RYR2: variants seen among roughly 807,000 people sequenced by gnomAD.
RYR2 encodes the protein cardiac muscle ryanodine receptor-calcium release channel.
In RYR2, 227 loss-of-function variants were observed where a neutral mutation model predicts 601.1. That is an observed-to-expected ratio of 0.38 (90% CI 0.34 to 0.42). RYR2 has a LOEUF of 0.42. Among genes scored for constraint, RYR2 ranks in the 10% least tolerant of loss-of-function variants. The probability of loss-of-function intolerance (pLI) is 1.00; values close to 1 mark genes in which losing one functional copy is unlikely to be tolerated. For synonymous variants in RYR2, 2,223 were observed against 2,175.1 expected (o/e 1.02, Z -0.61); for missense variants, 4,646 against 6,156.5 (o/e 0.75, Z 8.21).
intron 1 of RYR2, among the ~76,000 whole-genome samples, chr1:237,134,241 C>T (rs1363760143): frequency 6.6e-6 from 1 of 152,122 alleles, no homozygotes; most frequent in Non-Finnish European, 1.5e-5. Flanking sequence ...AGAGTCCCTC[C>T]CTTAGAAAGA....
intron 1 of RYR2, among the ~76,000 whole-genome samples, chr1:237,143,984 C>T (rs1000178411): frequency 1.3e-5 from 2 of 152,086 alleles, no homozygotes; most frequent in Admixed American, 1.3e-4. Flanking sequence ...CAAAAATTAG[C>T]TGCGCATGGT....
At position 237,687,489 on chromosome 1, in the gene RYR2, A is replaced by G. The variant is rs748968052; in HGVS notation, c.9052A>G (p.Arg3018Gly). Residue 3018 changes from arginine to glycine, a missense_variant, in exon 63 of 105, where the codon AGG becomes GGG. Coordinates refer to ENST00000366574, the MANE Select transcript of RYR2 (RefSeq NM_001035.3). ...FCKLGVLVRH[R>G]ISLFGNDATS... ...CAAACTTGGAGTTCTTGTCAGGCAT[A>G]GGATTTCACTATTTGGTAAGGAGAC... The G allele has an allele frequency of 1.8e-5, 29 of 1,606,486 alleles. No homozygotes were observed. The highest frequency in any genetic ancestry group is 2.4e-5 in the Non-Finnish European group (28 of 1,176,730).
At chr1:237,775,510 G>A (rs1387358145) in intron 87 of RYR2, among the ~76,000 whole-genome samples, 2 of 152,164 alleles carry the variant, frequency 1.3e-5, no homozygotes, top group Non-Finnish European at 1.5e-5. Context: ...CATTAGCTTC[G>A]TGCTGCTTCT....
At chr1:237,658,083 T>C in intron 54 of RYR2, 61 bp downstream of exon 54, 2 of 961,176 alleles carry the variant, frequency 2.1e-6, no homozygotes, top group Non-Finnish European at 1.5e-6. Context: ...ACTGTTCAAA[T>C]ATTTCTGACC....
chr1:237,486,015 G>A (rs1471871947), intron 17 of RYR2, among the ~76,000 whole-genome samples: 2 of 152,124 alleles, frequency 1.3e-5, no homozygotes, highest in African/African-American at 4.8e-5. Context: ...AGTGAAAGGA[G>A]AGGATGAGTT....
In RYR2 at chr1:237,426,291, G is replaced by A. The variant is rs530018925; in HGVS notation, c.1005+3043G>A. 1.0e-3 allele frequency among the ~76,000 whole-genome samples: 155 copies of A among 152,220 alleles called. 1 individual carries two copies. The highest frequency in any genetic ancestry group is 3.5e-3 in the African/African-American group (146 of 41,530). On this transcript the variant is annotated intron_variant, in intron 12 of 104. Coordinates refer to ENST00000366574, the MANE Select transcript of RYR2 (RefSeq NM_001035.3). ...TTATTCTCCATTGTGAAAATAGAGA[G>A]GCACAGCTGGTAAAACCTCATTATC...
At chr1:237,288,628 C>A (rs12565306) in intron 2 of RYR2, among the ~76,000 whole-genome samples, 7 of 151,684 alleles carry the variant, frequency 4.6e-5, no homozygotes, top group South Asian at 4.2e-4. Flanking sequence ...CCAGCTCCCA[C>A]GCAAACAGAA....
chr1:237,086,107 G>T (rs920838926), intron 1 of RYR2, among the ~76,000 whole-genome samples: 1 of 152,200 alleles, frequency 6.6e-6, no homozygotes, highest in Non-Finnish European at 1.5e-5. Context: ...GCATTAGTTT[G>T]CCTGAGCTGT....
At position 237,318,895 on chromosome 1, in the gene RYR2, A is replaced by G. The variant is rs115616886; in HGVS notation, c.169-11983A>G. Among the ~76,000 whole-genome samples, 420 of 151,860 alleles carry G rather than the reference A, an allele frequency of 2.8e-3. 1 individual carries two copies. Among genetic ancestry groups the G allele is most frequent in the African/African-American group, 8.3e-3 (342 of 41,430 alleles). ...GGCCATTCATTATTTGTTTAAATGC[A>G]TTTTTCTGACCGCTTCTTTCTCTCC... On this transcript the variant is annotated intron_variant, in intron 2 of 104. Transcript: ENST00000366574.
At chr1:237,309,664 G>T (rs1039481186) in intron 2 of RYR2, among the ~76,000 whole-genome samples, 4 of 152,212 alleles carry the variant, frequency 2.6e-5, no homozygotes, top group Non-Finnish European at 5.9e-5. Flanking sequence ...ATGGGACCAG[G>T]CGCCATGGAG....
chr1:237,073,242 C>T (rs1485882837), intron 1 of RYR2, among the ~76,000 whole-genome samples: 1 of 152,084 alleles, frequency 6.6e-6, no homozygotes, highest in East Asian at 1.9e-4. Context: ...CAGATAGGGG[C>T]CCTGCTTTGG....
intron 2 of RYR2, among the ~76,000 whole-genome samples, chr1:237,284,328 C>T (rs1196044051): frequency 6.7e-6 from 1 of 148,796 alleles, no homozygotes; most frequent in Non-Finnish European, 1.5e-5. Context: ...TGCAGTGAGT[C>T]GAGATTGCGC....
chr1:237,135,265 G>A (rs1169626698), intron 1 of RYR2, among the ~76,000 whole-genome samples: 1 of 152,008 alleles, frequency 6.6e-6, no homozygotes. Flanking sequence ...AGTAAAAAAA[G>A]TCCCTGTAAT....
chr1:237,120,058 C>T (rs951724498), intron 1 of RYR2, among the ~76,000 whole-genome samples: 1 of 152,172 alleles, frequency 6.6e-6, no homozygotes, highest in Non-Finnish European at 1.5e-5. Context: ...TCTCTGGAGT[C>T]AGACCACTGG....
At chr1:237,832,155 C>A (rs12036292) in intron 104 of RYR2, among the ~76,000 whole-genome samples, 1 of 151,648 alleles carries the variant, frequency 6.6e-6, no homozygotes, top group African/African-American at 2.4e-5. Flanking sequence ...CCTCCTGTTT[C>A]AGCCCCACAA....
At chr1:237,193,732 A>G (rs1680264113) in intron 1 of RYR2, among the ~76,000 whole-genome samples, 1 of 152,212 alleles carries the variant, frequency 6.6e-6, no homozygotes, top group Non-Finnish European at 1.5e-5. Context: ...CGAGTTGCAT[A>G]TTTCCACTGA....
At chr1:237,145,078 G>A (rs527407545) in intron 1 of RYR2, among the ~76,000 whole-genome samples, 3 of 152,160 alleles carry the variant, frequency 2.0e-5, no homozygotes, top group Admixed American at 6.5e-5. Flanking sequence ...GGGGGTTGGG[G>A]GAGCTAGGGG....
chr1:237,713,720 TATAG>T (rs895972770), intron 71 of RYR2, among the ~76,000 whole-genome samples: 5 of 152,208 alleles, frequency 3.3e-5, no homozygotes, highest in East Asian at 3.9e-4. Context: ...AAAAAATATA[TATAG>T]ATAGATAGAT....
chr1:237,568,033 A>G (rs1168426755), intron 28 of RYR2, among the ~76,000 whole-genome samples: 4 of 152,174 alleles, frequency 2.6e-5, no homozygotes, highest in Non-Finnish European at 4.4e-5. Flanking sequence ...GATAAAAGGC[A>G]GCTTTAGGTT....
Sources: allele counts gnomAD v4.1 joint callset (sites outside exome capture counted in the v4.1 genomes callset), GRCh38; gene constraint gnomAD v4.1.1; transcripts MANE v1.5; gene names NCBI Gene and HGNC (gene_info 2026-07-23, HGNC 2026-07-21).